The following CDKAL1 variants were observed in gnomAD, a reference collection of about 807,000 sequenced individuals.
CDKAL1 encodes the protein threonylcarbamoyladenosine tRNA methylthiotransferase.
Under a neutral mutation model 68.2 loss-of-function variants are expected in CDKAL1, and 32 were observed. That is an observed-to-expected ratio of 0.47 (90% CI 0.35 to 0.63). The LOEUF (loss-of-function observed/expected upper bound fraction) is 0.63. CDKAL1 is among the 30% of genes least tolerant of loss of function. The pLI is 0.00. For synonymous variants in CDKAL1, 234 were observed against 244.3 expected (o/e 0.96, Z 0.39); for missense variants, 606 against 696.7 (o/e 0.87, Z 1.47).
intron 13 of CDKAL1, among the ~76,000 whole-genome samples, chr6:21,149,385 A>G (rs1176087174): frequency 6.6e-6 from 1 of 151,988 alleles, no homozygotes; most frequent in African/African-American, 2.4e-5. Flanking sequence ...ACTTCAAGTA[A>G]TTTGCCCGCC....
intron 5 of CDKAL1, among the ~76,000 whole-genome samples, chr6:20,738,494 T>G (rs1017218711): frequency 8.7e-5 from 13 of 149,448 alleles, no homozygotes; most frequent in Admixed American, 2.0e-4. Context: ...AGTTTTTTTT[T>G]TTTTTTTTTT....
intron 5 of CDKAL1, among the ~76,000 whole-genome samples, chr6:20,738,756 C>A (rs980011764): frequency 1.3e-5 from 2 of 152,140 alleles, no homozygotes; most frequent in Non-Finnish European, 2.9e-5. Flanking sequence ...GCCTTGGCCT[C>A]CCAAAGTGTT....
chr6:20,909,078 A>G (rs541715511), intron 9 of CDKAL1, among the ~76,000 whole-genome samples: 11 of 152,348 alleles, frequency 7.2e-5, no homozygotes, highest in East Asian at 1.9e-4. Context: ...TGCAAACACC[A>G]TAATTTAAAA....
At chr6:21,151,245 A>T (rs1324370029) in intron 13 of CDKAL1, among the ~76,000 whole-genome samples, 1 of 152,134 alleles carries the variant, frequency 6.6e-6, no homozygotes, top group Non-Finnish European at 1.5e-5. Flanking sequence ...AGCTCTAGAG[A>T]ATTATAGAAA....
intron 13 of CDKAL1, among the ~76,000 whole-genome samples, chr6:21,119,553 C>A (rs1774595823): frequency 6.6e-6 from 1 of 152,172 alleles, no homozygotes; most frequent in African/African-American, 2.4e-5. Context: ...GCTTCTAAAA[C>A]CTCAGCAGGG....
intron 9 of CDKAL1, among the ~76,000 whole-genome samples, chr6:20,864,632 A>T (rs905210600): frequency 2.0e-5 from 3 of 152,180 alleles, no homozygotes; most frequent in Non-Finnish European, 4.4e-5. Flanking sequence ...CTACTTAATG[A>T]TGGTTGGCTT....
chr6:20,636,394 TTTTTCCTA>T (rs1767907234), intron 4 of CDKAL1, among the ~76,000 whole-genome samples: 1 of 152,152 alleles, frequency 6.6e-6, no homozygotes, highest in South Asian at 2.1e-4. Flanking sequence ...AGTGGTTTCT[TTTTTCCTA>T]ACTAGAACCT....
intron 9 of CDKAL1, among the ~76,000 whole-genome samples, chr6:20,887,686 T>C (rs1486485533): frequency 7.3e-6 from 1 of 137,860 alleles, no homozygotes; most frequent in Non-Finnish European, 1.6e-5. Context: ...AGGATTACTT[T>C]CTAGAGGAAA....
At chr6:20,932,177 TAAG>T (rs1763493059) in intron 9 of CDKAL1, among the ~76,000 whole-genome samples, 1 of 152,190 alleles carries the variant, frequency 6.6e-6, no homozygotes, top group Non-Finnish European at 1.5e-5. Context: ...GAACAAAATT[TAAG>T]GAGGAGATTT....
intron 8 of CDKAL1, among the ~76,000 whole-genome samples, chr6:20,785,482 AT>A (rs1199437735): frequency 1.3e-5 from 2 of 151,706 alleles, no homozygotes; most frequent in East Asian, 3.9e-4. Context: ...CACCCGGCTA[AT>A]TTTTGTTTTA....
intron 13 of CDKAL1, among the ~76,000 whole-genome samples, chr6:21,133,396 A>G (rs1417645285): frequency 2.0e-5 from 3 of 152,176 alleles, no homozygotes; most frequent in Non-Finnish European, 4.4e-5. Flanking sequence ...CTCCATGCAT[A>G]TTCCTACACC....
chr6:21,230,053 G>C (rs1325368528), intron 15 of CDKAL1, among the ~76,000 whole-genome samples: 1 of 152,210 alleles, frequency 6.6e-6, no homozygotes, highest in African/African-American at 2.4e-5. Context: ...CTGAGTGTGG[G>C]GTTATGTGGG....
At chr6:20,955,251 TTAA>T (rs1271780989) in intron 9 of CDKAL1, among the ~76,000 whole-genome samples, 165 bp from the exon 10 acceptor site, 1 of 152,208 alleles carries the variant, frequency 6.6e-6, no homozygotes, top group Non-Finnish European at 1.5e-5. Flanking sequence ...TAAAATGAAC[TTAA>T]TAACCCACTG....
intron 13 of CDKAL1, among the ~76,000 whole-genome samples, chr6:21,184,823 A>ATTTT (rs34599800): frequency 1.8e-4 from 18 of 101,624 alleles, no homozygotes; most frequent in African/African-American, 2.5e-4. Context: ...CGTGCAGCTA[A>ATTTT]TTTTTTTTTT....
At chr6:20,912,611 A>G (rs1245735675) in intron 9 of CDKAL1, among the ~76,000 whole-genome samples, 1 of 152,212 alleles carries the variant, frequency 6.6e-6, no homozygotes, top group African/African-American at 2.4e-5. Context: ...CAAGTGTTCA[A>G]ATAGTGGAAC....
At chr6:20,813,010 A>G (rs1424150870) in intron 8 of CDKAL1, among the ~76,000 whole-genome samples, 1 of 152,172 alleles carries the variant, frequency 6.6e-6, no homozygotes, top group Non-Finnish European at 1.5e-5. Flanking sequence ...TAGCCATTGT[A>G]GTGAGTATAT....
At chr6:21,028,837 T>C (rs1769101565) in intron 11 of CDKAL1, among the ~76,000 whole-genome samples, 1 of 152,186 alleles carries the variant, frequency 6.6e-6, no homozygotes. Context: ...GAATGTTCAA[T>C]TGGTACTTCA....
chr6:21,034,589 T>C (rs1231635325), intron 11 of CDKAL1, among the ~76,000 whole-genome samples: 1 of 152,214 alleles, frequency 6.6e-6, no homozygotes, highest in Non-Finnish European at 1.5e-5. Flanking sequence ...TGTAGCTTGA[T>C]AATAAGAGTG....
chr6:21,115,840 C>T (rs1774378105), intron 13 of CDKAL1, among the ~76,000 whole-genome samples: 1 of 152,206 alleles, frequency 6.6e-6, no homozygotes, highest in African/African-American at 2.4e-5. Flanking sequence ...TACTGAAGAG[C>T]TCTTTCGGTG....
Sources: allele counts gnomAD v4.1 joint callset (sites outside exome capture counted in the v4.1 genomes callset), GRCh38; gene constraint gnomAD v4.1.1; transcripts MANE v1.5; gene names NCBI Gene and HGNC (gene_info 2026-07-23, HGNC 2026-07-21).